CHRM3: variants seen among roughly 807,000 people sequenced by gnomAD.
The protein encoded by CHRM3 is muscarinic acetylcholine receptor M3.
A neutral mutation model predicts 41.8 loss-of-function variants in CHRM3; 11 were observed. The ratio of observed to expected loss-of-function variants is 0.26; its 90% CI spans 0.17 to 0.44. The LOEUF (loss-of-function observed/expected upper bound fraction) is 0.44. CHRM3 is among the 20% of genes least tolerant of loss of function. CHRM3 has a pLI of 1.00. For synonymous variants in CHRM3, 297 were observed against 301.4 expected, an observed-to-expected ratio of 0.99 and a Z score of 0.15; for missense variants, 571 against 745.4, an observed-to-expected ratio of 0.77 and a Z score of 2.72.
intron 6 of CHRM3, among the ~76,000 whole-genome samples, chr1:239,866,467 C>T (rs992722921): frequency 1.3e-5 from 2 of 151,958 alleles, no homozygotes; most frequent in African/African-American, 4.8e-5. Flanking sequence ...ATTCACCAGA[C>T]ACACAGCTGT....
chr1:239,678,586 C>A (rs999569637), intron 5 of CHRM3, among the ~76,000 whole-genome samples: 1 of 152,106 alleles, frequency 6.6e-6, no homozygotes, highest in Non-Finnish European at 1.5e-5. Context: ...ATCCAGAAAT[C>A]TATGGAAATC....
chr1:239,484,182 A>G (rs1240957709), intron 1 of CHRM3, among the ~76,000 whole-genome samples: 7 of 152,196 alleles, frequency 4.6e-5, no homozygotes, highest in Admixed American at 4.6e-4. Flanking sequence ...CAGGCTGTAC[A>G]AGCATGGCAC....
At chr1:239,813,889 C>T (rs1199217231) in intron 5 of CHRM3, among the ~76,000 whole-genome samples, 1 of 123,074 alleles carries the variant, frequency 8.1e-6, no homozygotes, top group Non-Finnish European at 1.6e-5. Context: ...TGCACTCCAG[C>T]CTGGGCGACA....
At chr1:239,689,039 T>A (rs1025738734) in intron 5 of CHRM3, among the ~76,000 whole-genome samples, 4 of 151,164 alleles carry the variant, frequency 2.6e-5, no homozygotes, top group Non-Finnish European at 4.4e-5. Flanking sequence ...TCACCATTGA[T>A]TAAGTCATAA....
At position 239,620,650 on chromosome 1, in the gene CHRM3, A is replaced by C. The variant is rs370068462; in HGVS notation, c.-312-11574A>C. Among the ~76,000 whole-genome samples, 21 of 152,266 alleles carry C rather than the reference A, an allele frequency of 1.4e-4. No homozygotes were observed. In the East Asian group the frequency reaches 4.1e-3, roughly 29 times the overall value. Reference sequence around the variant, plus strand: ...TAACATATAAATCATAATTTTAGGAATATAGAACTAAAAATGGATGTATAT... The same window carrying C: ...TAACATATAAATCATAATTTTAGGACTATAGAACTAAAAATGGATGTATAT... On this transcript the variant is annotated intron_variant, in intron 3 of 6. Transcript: ENST00000676153.
rs537905766 is a variant in CHRM3 at position 239,422,242 on chromosome 1, G to T, written c.-521+35015G>T. Among the ~76,000 whole-genome samples the T allele has an allele frequency of 7.9e-5, 12 of 152,274 alleles. No homozygotes were observed. The South Asian group carries it at 2.5e-3, about 32-fold the overall frequency. ...GAGCATAGGCTACATTTTTTCTGTTGCAGACTTTAGCTGAGGGTTGAGAGT... is the reference window on the plus strand; with the variant it reads ...GAGCATAGGCTACATTTTTTCTGTTTCAGACTTTAGCTGAGGGTTGAGAGT... On this transcript the variant is annotated intron_variant, in intron 1 of 6. Coordinates refer to ENST00000676153, the MANE Select transcript of CHRM3 (RefSeq NM_001375978.1).
chr1:239,706,502 A>G (rs1661176153), intron 5 of CHRM3: 1 of 152,106 alleles, frequency 6.6e-6, no homozygotes, highest in Non-Finnish European at 1.5e-5. Flanking sequence ...AACACCTAGA[A>G]AAAAATTTTG....
intron 3 of CHRM3, among the ~76,000 whole-genome samples, chr1:239,569,713 G>A (rs1572740968): frequency 6.6e-6 from 1 of 152,192 alleles, no homozygotes; most frequent in Non-Finnish European, 1.5e-5. Flanking sequence ...GTTTATGTCA[G>A]TAGTGAAGTA....
chr1:239,885,420 C>T (rs1168948431), intron 6 of CHRM3, among the ~76,000 whole-genome samples: 2 of 152,120 alleles, frequency 1.3e-5, no homozygotes, highest in African/African-American at 4.8e-5. Context: ...CCAGGGACCA[C>T]ACTTGGATGA....
chr1:239,914,246 G>A lies in CHRM3; in HGVS notation c.*5022G>A, dbSNP rs773921471. The A allele has an allele frequency of 2.4e-5, 4 of 167,062 alleles. No individual in the cohort carries two copies. Among genetic ancestry groups the A allele is most frequent in the Non-Finnish European group, 5.9e-5 (4 of 68,124 alleles). The allele number at this position is 167,062 out of a possible 1,614,324, so 10.3% of individuals were successfully genotyped here. On this transcript the variant is annotated 3_prime_UTR_variant, in exon 7 of 7. Transcript: ENST00000676153. ...TTATCCTGTATTCTGTGAGTTCCTT[G>A]ATGATAGTAATTGGGTCTTATTCAT...
In CHRM3 at chr1:239,748,204, G is replaced by A. The variant is rs1027003993; in HGVS notation, c.-147+69916G>A. 6.6e-6 allele frequency among the ~76,000 whole-genome samples: 1 copy of A among 152,162 alleles called. No individual in the cohort carries two copies. Among genetic ancestry groups the A allele is most frequent in the Non-Finnish European group, 1.5e-5 (1 of 68,016 alleles). On this transcript the variant is annotated intron_variant, in intron 5 of 6. Coordinates refer to ENST00000676153, the MANE Select transcript of CHRM3 (RefSeq NM_001375978.1). The surrounding 1 kb of genome is among the most constrained non-coding windows in gnomAD (Gnocchi z 4.3). ...TTAAGAAGAAAGTGTATACACACCC[G>A]TTATCTGCACTAATTGAAGATGTAT...
At chr1:239,530,638 G>A (rs190517887) in intron 2 of CHRM3, among the ~76,000 whole-genome samples, 86 of 152,268 alleles carry the variant, frequency 5.6e-4, no homozygotes, top group African/African-American at 1.7e-3. Flanking sequence ...AAGTATGTGC[G>A]TGATCCTTCA....
chr1:239,614,177 G>A (rs764603153), intron 3 of CHRM3, among the ~76,000 whole-genome samples: 4 of 151,842 alleles, frequency 2.6e-5, no homozygotes, highest in Non-Finnish European at 5.9e-5. Context: ...TAATAATAAT[G>A]ATAATAATAA....
Position 239,483,876 on chromosome 1 carries a change from G to A in CHRM3, c.-520-8833G>A, listed in dbSNP as rs1667020175. Among the ~76,000 whole-genome samples, 3 of 151,916 alleles carry A rather than the reference G, an allele frequency of 2.0e-5. No homozygotes were observed. In the South Asian group the frequency reaches 6.2e-4, roughly 32 times the overall value. On this transcript the variant is annotated intron_variant, in intron 1 of 6. Coordinates refer to ENST00000676153, the MANE Select transcript of CHRM3 (RefSeq NM_001375978.1). ...GCAAGTGTGGATTTTACACAACTAGGATATTGTTGTCTCCTTCTAGCACAG... is the reference window on the plus strand; with the variant it reads ...GCAAGTGTGGATTTTACACAACTAGAATATTGTTGTCTCCTTCTAGCACAG...
intron 5 of CHRM3, among the ~76,000 whole-genome samples, chr1:239,735,527 T>C (rs1302540811): frequency 6.6e-6 from 1 of 152,136 alleles, no homozygotes; most frequent in Non-Finnish European, 1.5e-5. Flanking sequence ...ACTGTCAAAC[T>C]TTTTTTCCCA....
chr1:239,537,163 T>A (rs1418445668), intron 2 of CHRM3, among the ~76,000 whole-genome samples: 1 of 152,198 alleles, frequency 6.6e-6, no homozygotes, highest in Non-Finnish European at 1.5e-5. Context: ...TGTCAATTGT[T>A]CTTCTTTCTC....
intron 6 of CHRM3, among the ~76,000 whole-genome samples, chr1:239,868,823 T>C (rs1436490426): frequency 2.0e-5 from 3 of 152,218 alleles, no homozygotes; most frequent in African/African-American, 7.2e-5. Flanking sequence ...TGGCTTGTAG[T>C]AGGCACTGCT....
intron 3 of CHRM3, among the ~76,000 whole-genome samples, chr1:239,585,853 A>G (rs556949655): frequency 6.6e-6 from 1 of 152,336 alleles, no homozygotes; most frequent in East Asian, 1.9e-4. Context: ...AAATAGATGA[A>G]TATGCACTAA....
At position 239,799,828 on chromosome 1, in the gene CHRM3, C is replaced by G. The variant is rs141844579; in HGVS notation, c.-146-27424C>G. Among the ~76,000 whole-genome samples, 78 of 152,234 alleles carry G rather than the reference C, an allele frequency of 5.1e-4. 1 individual carries two copies. In the East Asian group the frequency reaches 0.011, roughly 22 times the overall value. ...AAAGCATTTATTCCCTTGCCGCTCT[C>G]AATGAACCCATGAATTATGAGTAAC... On this transcript the variant is annotated intron_variant, in intron 5 of 6. Coordinates refer to ENST00000676153, the MANE Select transcript of CHRM3 (RefSeq NM_001375978.1).
Sources: allele counts gnomAD v4.1 joint callset (sites outside exome capture counted in the v4.1 genomes callset), GRCh38; gene constraint gnomAD v4.1.1; non-coding constraint Gnocchi (gnomAD v3.1); transcripts MANE v1.5; gene names NCBI Gene and HGNC (gene_info 2026-07-23, HGNC 2026-07-21).